Variants in SFR1 observed in about 807,000 individuals in gnomAD.
SFR1 encodes SWI5 dependent homologous recombination repair protein 1, also known as swi5-dependent recombination DNA repair protein 1 homolog.
A neutral mutation model predicts 26.2 loss-of-function variants in SFR1; 24 were observed. The ratio of observed to expected loss-of-function variants is 0.92; its 90% CI spans 0.66 to 1.29. The LOEUF (loss-of-function observed/expected upper bound fraction) is 1.29, where lower values mean the gene tolerates loss of function less well. SFR1 is among the 50% of genes most tolerant of loss of function. SFR1 has a pLI of 0.00. For missense variants in SFR1, 276 were observed against 270.2 expected (o/e 1.02, Z -0.15); for synonymous variants, 77 against 96.6 (o/e 0.80, Z 1.19).
chr10:104,122,029 C>T (rs1021884890), upstream of SFR1: 3 of 827,668 alleles, frequency 3.6e-6, no homozygotes, highest in African/African-American at 3.6e-5. Context: ...GGCGCGCGCG[C>T]AGTCCCACCG....
chr10:104,120,569 C>G (rs1348305470), upstream of SFR1, among the ~76,000 whole-genome samples: 1 of 152,106 alleles, frequency 6.6e-6, no homozygotes, highest in African/African-American at 2.4e-5. Flanking sequence ...GAAGGTGATA[C>G]ATTCCCTTAA....
rs1234665224 is a variant in SFR1 at position 104,123,939 on chromosome 10, A to T, written c.361A>T (p.Asn121Tyr). The change falls in exon 3 of 4, where the codon AAT becomes TAT. Residue 121 changes from asparagine to tyrosine, a missense_variant. By Grantham distance (143) the Asn-to-Tyr change is moderately radical (BLOSUM62 -2). Coordinates refer to ENST00000369727, the MANE Select transcript of SFR1 (RefSeq NM_001002759.2). ...TACAAATTTGAAAAATACTTTGAAG[A>T]ATCTCAATGTCTGTGAATCTCAGTC... ...ENTNLKNTLK[N>Y]LNVCESQSLD... is the part of the protein sequence containing the mutation. 1 of 1,613,502 alleles carries T rather than the reference A, an allele frequency of 6.2e-7. No homozygotes were observed. The highest frequency in any genetic ancestry group is 8.5e-7 in the Non-Finnish European group (1 of 1,179,784).
chr10:104,125,766 ACT>A lies in SFR1; in HGVS notation c.*63_*64del. The A allele has an allele frequency of 1.8e-6, 2 of 1,097,058 alleles. No individual in the cohort carries two copies. The highest frequency in any genetic ancestry group is 2.0e-5 in the African/African-American group (1 of 50,576). The allele number at this position is 1,097,058 out of a possible 1,614,324, so 68.0% of individuals were successfully genotyped here. On this transcript the variant is annotated 3_prime_UTR_variant, in exon 4 of 4. Transcript: ENST00000369727. The stretch of plus-strand genomic sequence containing the variant: ...CAACTTAATTAAAAGATACTTAGGC[ACT>A]TTTTTTTTTTTTTTGAGACTGAGTT...
At position 104,125,765 on chromosome 10, in the gene SFR1, CA is replaced by C. The variant is rs2087020402; in HGVS notation, c.*62del. On this transcript the variant is annotated 3_prime_UTR_variant, in exon 4 of 4. Coordinates refer to ENST00000369727, the MANE Select transcript of SFR1 (RefSeq NM_001002759.2). The stretch of plus-strand genomic sequence containing the variant: ...ACAACTTAATTAAAAGATACTTAGG[CA>C]CTTTTTTTTTTTTTTTGAGACTGAG... 3.3e-5 allele frequency: 38 copies of C among 1,150,972 alleles called. No homozygotes were observed. The highest frequency in any genetic ancestry group is 1.2e-4 in the East Asian group (5 of 40,058). 71.3% of individuals were successfully genotyped at this position (1,150,972 alleles called of 1,614,324 possible).
In SFR1 at chr10:104,124,013, G is replaced by A. The variant is rs1228394620; in HGVS notation, c.435G>A (p.Glu145=). ...CTCTCCAAAATGAGTTTGTGAGTGA[G>A]AAGCTTCCTAAACAAAGATTAAACG... is the stretch of plus-strand genomic sequence containing the variant. ...CSALQNEFVS[E]KLPKQRLNAE... The change falls in exon 3 of 4, where the codon GAG becomes GAA. Residue 145 remains glutamate (E), a synonymous_variant. Transcript: ENST00000369727. 4 of 1,613,916 alleles carry A rather than the reference G, an allele frequency of 2.5e-6. No individual in the cohort carries two copies. Among genetic ancestry groups the A allele is most frequent in the Admixed American group, 3.3e-5 (2 of 59,986 alleles).
chr10:104,122,613 C>G, intron 1 of SFR1: 1 of 985,380 alleles, frequency 1.0e-6, no homozygotes, highest in Non-Finnish European at 1.2e-6. Flanking sequence ...GCTATAGCTT[C>G]TTGAATTATG....
At chr10:104,123,576 T>A (rs2086991179) in intron 2 of SFR1, 138 bp from the exon 3 acceptor site, 1 of 574,494 alleles carries the variant, frequency 1.7e-6, no homozygotes, top group African/African-American at 1.9e-5. Context: ...CATTTTGTGA[T>A]GCCTTCTTTA....
In SFR1 at chr10:104,125,368, C is replaced by G. The variant is rs114324069; in HGVS notation, c.547-145C>G. The G allele has an allele frequency of 4.2e-4, 263 of 619,784 alleles. 1 individual carries two copies. In the African/African-American group the frequency reaches 4.5e-3, roughly 11 times the overall value. 38.4% of individuals were successfully genotyped at this position (619,784 alleles called of 1,614,324 possible). On this transcript the variant is annotated intron_variant, in intron 3 of 3. Coordinates refer to ENST00000369727, the MANE Select transcript of SFR1 (RefSeq NM_001002759.2). ...GACATTGTAACCATTCTACATATGA[C>G]CATCCTACTTTTTCCTAGATAGAAG...
At chr10:104,123,609 T>C in intron 2 of SFR1, 105 bp from the exon 3 acceptor site, 2 of 808,374 alleles carry the variant, frequency 2.5e-6, no homozygotes, top group Non-Finnish European at 3.7e-6. Context: ...GAAAGCCATC[T>C]AGTGGTGTCT....
At chr10:104,122,320 C>G (rs903426115) in intron 1 of SFR1, 124 bp downstream of exon 1, 1 of 1,402,204 alleles carries the variant, frequency 7.1e-7, no homozygotes, top group Non-Finnish European at 9.3e-7. Flanking sequence ...CCTGGGGTCT[C>G]CGGGGAACTA....
At chr10:104,122,640 G>T in intron 1 of SFR1, 3 of 1,316,394 alleles carry the variant, frequency 2.3e-6, no homozygotes, top group East Asian at 3.5e-5. Context: ...TCATAATAAA[G>T]AATTCCTGAT....
At position 104,123,945 on chromosome 10, in the gene SFR1, A is replaced by G. The variant is rs2086997539; in HGVS notation, c.367A>G (p.Asn123Asp). The G allele has an allele frequency of 6.2e-7, 1 of 1,613,794 alleles. No individual in the cohort carries two copies. Among genetic ancestry groups the G allele is most frequent in the Non-Finnish European group, 8.5e-7 (1 of 1,179,836 alleles). Residue 123 changes from asparagine to aspartate, a missense_variant, in exon 3 of 4, where the codon AAT (asparagine) becomes GAT (aspartate). Physicochemically the swap from Asn to Asp is conservative, Grantham distance 23. Transcript: ENST00000369727. ...TNLKNTLKNL[N>D]VCESQSLDSG... ...TTTGAAAAATACTTTGAAGAATCTCAATGTCTGTGAATCTCAGTCACTTGA... is the reference window on the plus strand; with the variant it reads ...TTTGAAAAATACTTTGAAGAATCTCGATGTCTGTGAATCTCAGTCACTTGA...
At chr10:104,123,225 G>C in intron 2 of SFR1, 139 bp downstream of exon 2, 1 of 735,892 alleles carries the variant, frequency 1.4e-6, no homozygotes, top group African/African-American at 1.8e-5. Context: ...AAATAATTTT[G>C]TTTTTCTTCT....
At chr10:104,125,333 C>CA (rs2087013285) in intron 3 of SFR1, among the ~76,000 whole-genome samples, 180 bp from the exon 4 acceptor site, 4 of 152,162 alleles carry the variant, frequency 2.6e-5, no homozygotes, top group Admixed American at 2.6e-4. Flanking sequence ...CCATAGAACT[C>CA]AAGTTGAGTG....
In SFR1 at chr10:104,125,585, C is replaced by G; in HGVS notation, c.619C>G (p.Gln207Glu). ...SCSQLLLYEL[Q>E]SAVSEENKKL... ...TAGCCAGCTCTTGCTTTATGAGTTG[C>G]AGTCAGCTGTGTCTGAAGAGAACAA... Residue 207 changes from glutamine to glutamate, a missense_variant, in exon 4 of 4, where the codon CAG becomes GAG. Physicochemically the swap from Gln to Glu is conservative, Grantham distance 29. Transcript: ENST00000369727. 2 of 1,613,640 alleles carry G rather than the reference C, an allele frequency of 1.2e-6. No homozygotes were observed. The highest frequency in any genetic ancestry group is 1.7e-6 in the Non-Finnish European group (2 of 1,179,660).
upstream of SFR1, among the ~76,000 whole-genome samples, chr10:104,121,807 AAGCGCGCCCC>A (rs1466993407): frequency 6.6e-6 from 1 of 152,192 alleles, no homozygotes; most frequent in Non-Finnish European, 1.5e-5. Context: ...CCGCGAACGG[AAGCGCGCCCC>A]CCTCAGGATT....
In SFR1 at chr10:104,123,864, T is replaced by C. The variant is rs780577233; in HGVS notation, c.286T>C (p.Leu96=). 5.0e-6 allele frequency: 8 copies of C among 1,613,004 alleles called. No homozygotes were observed. The African/African-American group carries it at 9.3e-5, about 19-fold the overall frequency. ...AGCATCTTCCACAGAGGAAAACTGT[T>C]TGGAATTTCAAGAAAGTTTTAAACA... ...KPASSTEENC[L]EFQESFKHID... Residue 96 remains leucine (L), a synonymous_variant, in exon 3 of 4, where the codon TTG becomes CTG. Transcript: ENST00000369727.
At chr10:104,122,931 T>C (rs1041300100) in intron 1 of SFR1, 34 bp from the exon 2 acceptor site, 23 of 1,606,838 alleles carry the variant, frequency 1.4e-5, no homozygotes, top group Non-Finnish European at 1.9e-5. Context: ...AGAGGTGTGG[T>C]TAATTCGATT....
At chr10:104,125,289 T>G (rs1006394472) in intron 3 of SFR1, among the ~76,000 whole-genome samples, 5 of 152,156 alleles carry the variant, frequency 3.3e-5, no homozygotes, top group African/African-American at 4.8e-5. Flanking sequence ...TCCCTTATCA[T>G]AAAGATGGCC....
Sources: allele counts gnomAD v4.1 joint callset (sites outside exome capture counted in the v4.1 genomes callset), GRCh38; gene constraint gnomAD v4.1.1; transcripts MANE v1.5; gene names NCBI Gene and HGNC (gene_info 2026-07-23, HGNC 2026-07-21).